Variants in ALK observed in about 807,000 individuals in gnomAD.
ALK encodes ALK receptor tyrosine kinase, also known as ALK tyrosine kinase receptor.
ALK carries 74 observed loss-of-function variants against 163.1 expected under a neutral mutation model. The ratio of observed to expected loss-of-function variants is 0.45; its 90% CI spans 0.38 to 0.55. ALK has a LOEUF of 0.55. Among genes scored for constraint, ALK ranks in the 20% least tolerant of loss-of-function variants. The pLI, the probability that ALK is intolerant of heterozygous loss-of-function variation, is 0.00. For synonymous variants in ALK, 960 were observed against 843.2 expected, an observed-to-expected ratio of 1.14 and a Z score of -2.40; for missense variants, 2,063 against 2,105.3, an observed-to-expected ratio of 0.98 and a Z score of 0.39.
intron 5 of ALK, among the ~76,000 whole-genome samples, chr2:29,345,876 A>G (rs1206271299): frequency 6.6e-6 from 1 of 152,190 alleles, no homozygotes; most frequent in African/African-American, 2.4e-5. Context: ...CCTGTATCTA[A>G]GACTGTTGGA....
intron 8 of ALK, among the ~76,000 whole-genome samples, chr2:29,305,849 A>C (rs1355346886): frequency 1.3e-5 from 2 of 152,024 alleles, no homozygotes; most frequent in African/African-American, 2.4e-5. Context: ...TATTATTATT[A>C]CATTGTAATA....
At chr2:29,221,609 A>G (rs952944717) in intron 22 of ALK, among the ~76,000 whole-genome samples, 1 of 152,240 alleles carries the variant, frequency 6.6e-6, no homozygotes, top group Non-Finnish European at 1.5e-5. Flanking sequence ...TCATCAGAAA[A>G]TAAATGTTAT....
intron 1 of ALK, among the ~76,000 whole-genome samples, chr2:29,866,454 A>C (rs1317358786): frequency 1.3e-5 from 2 of 152,228 alleles, no homozygotes; most frequent in Admixed American, 6.5e-5. Context: ...GCATGGGGCA[A>C]GCACAAAGCC....
intron 5 of ALK, among the ~76,000 whole-genome samples, chr2:29,344,498 G>A (rs1278022304): frequency 2.0e-5 from 3 of 152,116 alleles, no homozygotes; most frequent in African/African-American, 7.2e-5. Context: ...TCAGGTGTAG[G>A]CACTCTGGCG....
Position 29,920,540 on chromosome 2 carries a change from G to A in ALK, c.120C>T (p.Pro40=), listed in dbSNP as rs768904675. 6.2e-7 allele frequency: 1 copy of A among 1,607,842 alleles called. No individual in the cohort carries two copies. The highest frequency in any genetic ancestry group is 8.5e-7 in the Non-Finnish European group (1 of 1,178,258). Reference sequence around the variant, plus strand: ...GGCGCGAGTAGCTGAGTGGCTCCCGGGGCTGCAGCGGCGGCCCCGCAGCTG... The same window carrying A: ...GGCGCGAGTAGCTGAGTGGCTCCCGAGGCTGCAGCGGCGGCCCCGCAGCTG... ...GSPAAGPPLQ[P]REPLSYSRLQ... The change falls in exon 1 of 29, where the codon CCC becomes CCT. Residue 40 remains proline, a synonymous_variant. Transcript: ENST00000389048.
At chr2:29,272,016 TG>T (rs1219738020) in intron 11 of ALK, among the ~76,000 whole-genome samples, 4 of 152,166 alleles carry the variant, frequency 2.6e-5, no homozygotes. Flanking sequence ...GAAGGGTCCT[TG>T]GGCCCTGGGG....
chr2:29,196,949 G>A (rs1383255269), intron 27 of ALK, 89 bp from the exon 28 acceptor site: 11 of 1,141,088 alleles, frequency 9.6e-6, no homozygotes, highest in South Asian at 7.6e-5. Flanking sequence ...CAACGAATAC[G>A]TTGAGGGTGC....
intron 3 of ALK, among the ~76,000 whole-genome samples, chr2:29,536,807 A>T (rs1229803990): frequency 1.3e-5 from 2 of 152,228 alleles, no homozygotes; most frequent in African/African-American, 4.8e-5. Flanking sequence ...TATCAAATGG[A>T]AATAAAAAAG....
chr2:29,455,598 G>A (rs957967058), intron 4 of ALK, among the ~76,000 whole-genome samples: 2 of 151,918 alleles, frequency 1.3e-5, no homozygotes, highest in Non-Finnish European at 2.9e-5. Flanking sequence ...TGTTTTGTTA[G>A]CTCCACAATC....
At chr2:29,594,213 T>C (rs1675138643) in intron 3 of ALK, among the ~76,000 whole-genome samples, 1 of 152,154 alleles carries the variant, frequency 6.6e-6, no homozygotes, top group African/African-American at 2.4e-5. Flanking sequence ...TCAAAACTCA[T>C]CACTTTCCAA....
intron 11 of ALK, among the ~76,000 whole-genome samples, chr2:29,264,358 C>A (rs867276912): frequency 8.5e-5 from 13 of 152,330 alleles, no homozygotes; most frequent in African/African-American, 2.9e-4. Context: ...CTTGAAGGAA[C>A]CTGAAGTTTT....
chr2:29,666,120 T>A lies in ALK; in HGVS notation c.952+28730A>T, dbSNP rs1677505679. On this transcript the variant is annotated intron_variant, in intron 3 of 28. Coordinates refer to ENST00000389048, the MANE Select transcript of ALK (RefSeq NM_004304.5). ...ATAAAATCTTTTGCTGAAATCAAGATGTATTACATCTACTCTATTCCGTTA... is the reference window on the plus strand; with the variant it reads ...ATAAAATCTTTTGCTGAAATCAAGAAGTATTACATCTACTCTATTCCGTTA... 3.3e-5 allele frequency among the ~76,000 whole-genome samples: 5 copies of A among 152,154 alleles called. No homozygotes were observed. In the South Asian group the frequency reaches 8.3e-4, roughly 25 times the overall value.
At chr2:29,199,887 GAAC>G (rs1669114835) in intron 26 of ALK, among the ~76,000 whole-genome samples, 1 of 152,086 alleles carries the variant, frequency 6.6e-6, no homozygotes, top group Admixed American at 6.5e-5. Context: ...AAATTGTAGA[GAAC>G]AATAGTTCCT....
In ALK at chr2:29,222,637, G is replaced by A. The variant is rs770896161; in HGVS notation, c.3360-30C>T. On this transcript the variant is annotated intron_variant, in intron 20 of 28. Coordinates refer to ENST00000389048, the MANE Select transcript of ALK (RefSeq NM_004304.5). ...GCAAAGGAGAAGACAAGAGGAGACA[G>A]AGTCAAACAGGCCACAATAATGAGG... is the stretch of plus-strand genomic sequence containing the variant. 1.9e-6 allele frequency: 3 copies of A among 1,599,950 alleles called. No homozygotes were observed. The African/African-American group carries it at 4.0e-5, about 21-fold the overall frequency.
chr2:29,578,053 C>T (rs969519421), intron 3 of ALK, among the ~76,000 whole-genome samples: 12 of 152,142 alleles, frequency 7.9e-5, no homozygotes, highest in Admixed American at 3.3e-4. Flanking sequence ...GTGTCCCCAC[C>T]CAAATCGCAT....
Position 29,531,993 on chromosome 2 carries a change from C to T in ALK, c.1076G>A (p.Gly359Glu), listed in dbSNP as rs2148158595. Residue 359 changes from glycine (G) to glutamate (E), a missense_variant, in exon 4 of 29, where the codon GGA (glycine) becomes GAA (glutamate). Coordinates refer to ENST00000389048, the MANE Select transcript of ALK (RefSeq NM_004304.5). ...GGGCAGCAGCTGGGCAATGTACCTTCCAGAGGGCTGCAGGTGCCTGTGCAC... is the reference window on the plus strand; with the variant it reads ...GGGCAGCAGCTGGGCAATGTACCTTTCAGAGGGCTGCAGGTGCCTGTGCAC... ...VSVHRHLQPSGRYIAQLLPHN... is the reference protein window; with the variant it reads ...VSVHRHLQPSERYIAQLLPHN... 1 of 1,614,174 alleles carries T rather than the reference C, an allele frequency of 6.2e-7. No individual in the cohort carries two copies. The highest frequency in any genetic ancestry group is 8.5e-7 in the Non-Finnish European group (1 of 1,180,012).
In ALK at chr2:29,197,523, G is replaced by A. The variant is rs1669052520; in HGVS notation, c.4073+19C>T. The A allele has an allele frequency of 6.2e-7, 1 of 1,612,932 alleles. No individual in the cohort carries two copies. The highest frequency in any genetic ancestry group is 8.5e-7 in the Non-Finnish European group (1 of 1,179,838). ...AAACTGCTTAGTAACTAGCAGAAGT[G>A]TTCCTAAAAGAGTCATACACAGGCC... On this transcript the variant is annotated intron_variant, in intron 27 of 28. Transcript: ENST00000389048.
At chr2:29,635,327 T>C (rs1236217636) in intron 3 of ALK, among the ~76,000 whole-genome samples, 1 of 152,224 alleles carries the variant, frequency 6.6e-6, no homozygotes, top group Non-Finnish European at 1.5e-5. Flanking sequence ...ATTAAAGATC[T>C]TGACAAGGGG....
intron 1 of ALK, among the ~76,000 whole-genome samples, chr2:29,792,679 T>C (rs1218084006): frequency 2.0e-5 from 3 of 149,472 alleles, no homozygotes; most frequent in African/African-American, 7.7e-5. Context: ...AAGCAAGTAT[T>C]GCAATAAAGC....
Sources: gnomAD v4.1 joint callset for allele counts (sites outside exome capture counted in the v4.1 genomes callset) on GRCh38, gnomAD v4.1.1 for gene constraint, MANE v1.5 for transcripts, NCBI Gene and HGNC (gene_info 2026-07-23, HGNC 2026-07-21) for gene names.